SGCD: variants seen among roughly 807,000 people sequenced by gnomAD.
SGCD encodes the protein delta-sarcoglycan.
In SGCD, 18 loss-of-function variants were observed where a neutral mutation model predicts 36.6. The observed-to-expected ratio is 0.49, with a 90% CI of 0.34 to 0.73. The LOEUF is 0.73. Ranked by LOEUF, SGCD falls within the 30% of genes least tolerant of loss-of-function variation. The pLI, the probability that SGCD is intolerant of heterozygous loss-of-function variation, is 0.01. For synonymous variants in SGCD, 133 were observed against 130.6 expected (o/e 1.02, Z -0.12); for missense variants, 387 against 346.7 (o/e 1.12, Z -0.92).
intron 3 of SGCD, among the ~76,000 whole-genome samples, chr5:156,311,142 A>G (rs568199696): frequency 1.6e-4 from 25 of 152,364 alleles, no homozygotes; most frequent in African/African-American, 5.8e-4. Context: ...GTTTTTACCA[A>G]CTATAAAATG....
At chr5:156,353,753 A>G (rs1039900498) in intron 3 of SGCD, among the ~76,000 whole-genome samples, 1 of 152,166 alleles carries the variant, frequency 6.6e-6, no homozygotes, top group Non-Finnish European at 1.5e-5. Context: ...AATGGCCAAA[A>G]TGTTGTTTTT....
chr5:156,008,719 G>A (rs943060089), intron 1 of SGCD, among the ~76,000 whole-genome samples: 1 of 152,036 alleles, frequency 6.6e-6, no homozygotes, highest in African/African-American at 2.4e-5. Context: ...TGGATTAAGG[G>A]CCCATCCTAC....
chr5:156,368,821 C>G (rs1770241490), intron 3 of SGCD, among the ~76,000 whole-genome samples: 1 of 152,290 alleles, frequency 6.6e-6, no homozygotes, highest in East Asian at 1.9e-4. Context: ...TGTATGGTTG[C>G]AGGAAAACAA....
chr5:156,673,237 A>G (rs1278595276), intron 7 of SGCD, among the ~76,000 whole-genome samples: 1 of 152,190 alleles, frequency 6.6e-6, no homozygotes, highest in East Asian at 1.9e-4. Flanking sequence ...CTAAGCACAT[A>G]TTTATCTCAT....
chr5:156,474,813 G>A (rs938316805), intron 3 of SGCD, among the ~76,000 whole-genome samples: 6 of 152,082 alleles, frequency 3.9e-5, no homozygotes, highest in African/African-American at 1.2e-4. Context: ...ATATTAGGAT[G>A]GGATTAACTT....
At chr5:155,818,010 G>A in the SGCD span, among the ~76,000 whole-genome samples, 1 of 152,174 alleles carries the variant, frequency 6.6e-6, no homozygotes, top group Non-Finnish European at 1.5e-5. Flanking sequence ...ACTCAGGCAT[G>A]CAGAATATAT....
intron 3 of SGCD, among the ~76,000 whole-genome samples, chr5:156,318,923 T>TTAGATGTG (rs764723486): frequency 2.2e-4 from 33 of 152,314 alleles, no homozygotes; most frequent in South Asian, 4.1e-4. Flanking sequence ...AATGGCACAT[T>TTAGATGTG]CTTTCGTTAG....
At chr5:156,234,191 T>A (rs1163064187) in intron 3 of SGCD, among the ~76,000 whole-genome samples, 3 of 152,224 alleles carry the variant, frequency 2.0e-5, no homozygotes. Context: ...TTTGGTGAGA[T>A]GTTTATTTAC....
In SGCD at chr5:156,765,276, T is replaced by G. The variant is rs1210107385; in HGVS notation, c.*5886T>G. 3 of 152,188 alleles carry G rather than the reference T, an allele frequency of 2.0e-5. No individual in the cohort carries two copies. The highest frequency in any genetic ancestry group is 2.9e-5 in the Non-Finnish European group (2 of 68,020). 9.4% of individuals were successfully genotyped at this position (152,188 alleles called of 1,614,324 possible). ...AACGAGAAACTCCAAACTGGTCTAT[T>G]AGGTTCCATGGGAACACTTGTAGCC... On this transcript the variant is annotated 3_prime_UTR_variant, in exon 9 of 9. Transcript: ENST00000337851.
chr5:156,186,948 T>C lies in SGCD; in HGVS notation c.-44+62929T>C, dbSNP rs141660438. Among the ~76,000 whole-genome samples, 654 of 152,338 alleles carry C rather than the reference T, an allele frequency of 4.3e-3. 3 individuals are homozygous for C. The highest frequency in any genetic ancestry group is 5.5e-3 in the Non-Finnish European group (374 of 68,034). The stretch of plus-strand genomic sequence containing the variant: ...ATATTTGTTCTCTCCTAGGAGAATG[T>C]ACTAAGTTTTGGAAACTCAAAAGTC... On this transcript the variant is annotated intron_variant, in intron 3 of 9. Transcript: ENST00000517913.
the SGCD span, among the ~76,000 whole-genome samples, chr5:155,829,507 G>A: frequency 6.6e-6 from 1 of 152,218 alleles, no homozygotes; most frequent in Non-Finnish European, 1.5e-5. Flanking sequence ...CTCCTGTGCA[G>A]AGAGTGATGG....
chr5:156,346,720 G>A (rs1316474078), intron 3 of SGCD, among the ~76,000 whole-genome samples: 2 of 152,248 alleles, frequency 1.3e-5, no homozygotes, highest in South Asian at 4.1e-4. Context: ...GAGTATTAGA[G>A]CACATTAGCT....
intron 4 of SGCD, among the ~76,000 whole-genome samples, chr5:156,536,023 A>G (rs771421095): frequency 6.6e-6 from 1 of 152,154 alleles, no homozygotes; most frequent in South Asian, 2.1e-4. Context: ...TTTAGGGATC[A>G]TTGGTTCTTT....
intron 3 of SGCD, among the ~76,000 whole-genome samples, chr5:156,308,552 CG>C (rs1767301069): frequency 6.6e-6 from 1 of 152,084 alleles, no homozygotes; most frequent in Non-Finnish European, 1.5e-5. Context: ...CCTGCCTTGG[CG>C]TCCCAAAGTG....
intron 3 of SGCD, among the ~76,000 whole-genome samples, chr5:156,153,212 C>G (rs2127615573): frequency 6.6e-6 from 1 of 151,078 alleles, no homozygotes; most frequent in Admixed American, 6.6e-5. Context: ...GATAAGTAGC[C>G]TTGCAAAGGA....
chr5:155,755,480 T>C, the SGCD span, among the ~76,000 whole-genome samples: 1 of 152,216 alleles, frequency 6.6e-6, no homozygotes, highest in Non-Finnish European at 1.5e-5. Context: ...AAAACATATA[T>C]TGGCTCTTTG....
At chr5:155,900,273 G>A (rs1194417749) in intron 1 of SGCD, among the ~76,000 whole-genome samples, 1 of 152,090 alleles carries the variant, frequency 6.6e-6, no homozygotes, top group East Asian at 1.9e-4. Context: ...GGATTTTGTA[G>A]ACATCCCCCT....
At chr5:156,724,654 TC>T (rs548912697) in intron 7 of SGCD, among the ~76,000 whole-genome samples, 2 of 152,166 alleles carry the variant, frequency 1.3e-5, no homozygotes, top group South Asian at 4.1e-4. Context: ...TTCTAGTGGT[TC>T]AGCTTTCTAA....
At chr5:155,983,350 A>G (rs1185531518) in intron 1 of SGCD, among the ~76,000 whole-genome samples, 1 of 152,174 alleles carries the variant, frequency 6.6e-6, no homozygotes, top group Non-Finnish European at 1.5e-5. Context: ...CCCAGGCTGG[A>G]GTGCAGTGGC....
Sources: gnomAD v4.1 joint callset for allele counts (sites outside exome capture counted in the v4.1 genomes callset) on GRCh38, gnomAD v4.1.1 for gene constraint, MANE v1.5 for transcripts, NCBI Gene and HGNC (gene_info 2026-07-23, HGNC 2026-07-21) for gene names.